The following IQSEC1 variants were observed in gnomAD, a reference collection of about 807,000 sequenced individuals.
The protein encoded by IQSEC1 is IQ motif and Sec7 domain ArfGEF 1.
In IQSEC1, 31 loss-of-function variants were observed where a neutral mutation model predicts 91.0. The observed-to-expected ratio is 0.34, with a 90% confidence interval of 0.26 to 0.46. The LOEUF (loss-of-function observed/expected upper bound fraction) is 0.46. IQSEC1 is among the 20% of genes least tolerant of loss of function. The probability of loss-of-function intolerance (pLI) is 1.00; values close to 1 mark genes in which losing one functional copy is unlikely to be tolerated. For synonymous variants in IQSEC1, 699 were observed against 662.6 expected (o/e 1.05, Z -0.84); for missense variants, 1,388 against 1,575.6 (o/e 0.88, Z 2.02).
Position 12,970,618 on chromosome 3 carries a change from T to A in IQSEC1, c.24-28753A>T, listed in dbSNP as rs1700845279. ...CCTCGTGGCCTGGTTCATCTCTCCA[T>A]CCCTTACCTCTCCTCCTGCCCACTC... On this transcript the variant is annotated intron_variant, in intron 1 of 13. Transcript: ENST00000613206. This position sits in a 1 kb window ranked among gnomAD's most constrained non-coding sequence, Gnocchi z 4.4. Among the ~76,000 whole-genome samples the A allele has an allele frequency of 6.6e-6, 1 of 152,002 alleles. No individual in the cohort carries two copies. The highest frequency in any genetic ancestry group is 1.5e-5 in the Non-Finnish European group (1 of 67,984).
intron 2 of IQSEC1, among the ~76,000 whole-genome samples, chr3:13,127,822 T>C (rs11080): frequency 0.29 from 43,371 of 152,160 alleles, 6,353 homozygotes; most frequent in South Asian, 0.47. Flanking sequence ...CTTTCTTTCA[T>C]CTGCATGTTT....
intron 1 of IQSEC1, among the ~76,000 whole-genome samples, chr3:13,027,109 G>A (rs1703650545): frequency 6.6e-6 from 1 of 152,136 alleles, no homozygotes; most frequent in Admixed American, 6.5e-5. Context: ...CAAAACCCTG[G>A]ATCCCCCTTC....
At chr3:13,122,435 G>A (rs1706441284) in intron 2 of IQSEC1, among the ~76,000 whole-genome samples, 1 of 151,376 alleles carries the variant, frequency 6.6e-6, no homozygotes, top group Non-Finnish European at 1.5e-5. Flanking sequence ...ACGCAGTTGG[G>A]TTTTATTAGG....
In IQSEC1 at chr3:12,974,299, T is replaced by C. The variant is rs146115084; in HGVS notation, c.24-32434A>G. On this transcript the variant is annotated intron_variant, in intron 1 of 13. Coordinates refer to ENST00000613206, the MANE Select transcript of IQSEC1 (RefSeq NM_001134382.3). ...AAGCCCGGATCCCCAGAGCACTCCA[T>C]GATTCTAGGTCCTCGGTGACCAATG... Among the ~76,000 whole-genome samples the C allele has an allele frequency of 1.5e-3, 226 of 152,284 alleles. 1 individual carries two copies. The highest frequency in any genetic ancestry group is 6.8e-3 in the Middle Eastern group (2 of 294).
chr3:13,000,601 G>T (rs1576143685), intron 1 of IQSEC1, among the ~76,000 whole-genome samples: 2 of 152,378 alleles, frequency 1.3e-5, no homozygotes, highest in South Asian at 4.1e-4. Flanking sequence ...ACTAGGACGA[G>T]CACAGGGCCT....
At chr3:13,052,792 A>C (rs1253184218) in intron 1 of IQSEC1, among the ~76,000 whole-genome samples, 1 of 151,876 alleles carries the variant, frequency 6.6e-6, no homozygotes, top group Non-Finnish European at 1.5e-5. Context: ...GGTCTCACAT[A>C]TTTATTACTG....
At chr3:13,153,485 T>C (rs1337472420) in intron 2 of IQSEC1, among the ~76,000 whole-genome samples, 1 of 152,146 alleles carries the variant, frequency 6.6e-6, no homozygotes, top group Non-Finnish European at 1.5e-5. Context: ...CAGAGCAAAG[T>C]GCACTCATAG....
intron 2 of IQSEC1, among the ~76,000 whole-genome samples, chr3:13,094,462 G>T (rs1156469929): frequency 6.6e-6 from 1 of 152,128 alleles, no homozygotes; most frequent in Non-Finnish European, 1.5e-5. Context: ...ACAAACCACA[G>T]AGGCTGGCGA....
chr3:13,062,141 T>C (rs1177446165), intron 1 of IQSEC1, among the ~76,000 whole-genome samples: 1 of 152,196 alleles, frequency 6.6e-6, no homozygotes, highest in South Asian at 2.1e-4. Context: ...TCCCTTTGAC[T>C]TGAGTTTCTG....
intron 1 of IQSEC1, among the ~76,000 whole-genome samples, chr3:13,269,332 C>T (rs924582888): frequency 2.0e-5 from 3 of 152,360 alleles, no homozygotes; most frequent in Non-Finnish European, 2.9e-5. Flanking sequence ...ATCCACATCG[C>T]ACTGCAGGGA....
At chr3:12,956,089 C>G (rs1699887716) in intron 1 of IQSEC1, among the ~76,000 whole-genome samples, 1 of 152,184 alleles carries the variant, frequency 6.6e-6, no homozygotes, top group Non-Finnish European at 1.5e-5. Context: ...CACTTGATAA[C>G]AGTCAGACAA....
intron 1 of IQSEC1, among the ~76,000 whole-genome samples, chr3:13,181,387 AAT>A (rs1326586721): frequency 6.6e-6 from 1 of 152,264 alleles, no homozygotes; most frequent in Non-Finnish European, 1.5e-5. Flanking sequence ...TAATTGATGG[AAT>A]AGAGAGAAAA....
intron 1 of IQSEC1, among the ~76,000 whole-genome samples, chr3:13,026,874 TTTTTGTTTG>T (rs1444050694): frequency 3.7e-4 from 19 of 51,890 alleles, no homozygotes; most frequent in African/African-American, 5.6e-4. Flanking sequence ...GTTTTTTTTT[TTTTTGTTTG>T]TTTTTTTTTT....
intron 1 of IQSEC1, among the ~76,000 whole-genome samples, chr3:13,249,403 ACCTCGTGATCTACCTG>A (rs1373968472): frequency 2.0e-5 from 3 of 151,734 alleles, no homozygotes; most frequent in Non-Finnish European, 4.4e-5. Context: ...CGATCTCCTG[ACCTCGTGATCTACCTG>A]CCTCGGCCTC....
chr3:13,197,228 G>A (rs1694149561), intron 1 of IQSEC1, among the ~76,000 whole-genome samples: 1 of 152,180 alleles, frequency 6.6e-6, no homozygotes, highest in Admixed American at 6.5e-5. Flanking sequence ...CACTTGAACG[G>A]GAAACGCTTG....
chr3:13,017,186 C>CT (rs112727297), intron 1 of IQSEC1, among the ~76,000 whole-genome samples: 52,171 of 151,810 alleles, frequency 0.34, 9,676 homozygotes, highest in African/African-American at 0.45. Context: ...TCCCTCTCCC[C>CT]GATCACTCTG....
chr3:13,008,937 C>A lies in IQSEC1; in HGVS notation c.23+64055G>T, dbSNP rs1328132430. Among the ~76,000 whole-genome samples the A allele has an allele frequency of 2.6e-5, 4 of 152,148 alleles. No homozygotes were observed. The highest frequency in any genetic ancestry group is 9.7e-5 in the African/African-American group (4 of 41,414). On this transcript the variant is annotated intron_variant, in intron 1 of 13. Coordinates refer to ENST00000613206, the MANE Select transcript of IQSEC1 (RefSeq NM_001134382.3). This position sits in a 1 kb window ranked among gnomAD's most constrained non-coding sequence, Gnocchi z 4.1. ...TTATTAAGCCATTTTCCAGATAAGGCAATGGAGGCCCAGAGAAGTGAAGTG... is the reference window on the plus strand; with the variant it reads ...TTATTAAGCCATTTTCCAGATAAGGAAATGGAGGCCCAGAGAAGTGAAGTG...
chr3:13,115,488 T>G (rs1433179831), intron 2 of IQSEC1, among the ~76,000 whole-genome samples: 2 of 152,250 alleles, frequency 1.3e-5, no homozygotes, highest in Non-Finnish European at 2.9e-5. Context: ...CTGGTCTGCA[T>G]GAGCCCCCTG....
chr3:13,092,088 C>T lies in IQSEC1; in HGVS notation c.303-44566G>A, dbSNP rs541084487. Among the ~76,000 whole-genome samples the T allele has an allele frequency of 8.9e-4, 135 of 152,126 alleles. 1 individual carries two copies. The highest frequency in any genetic ancestry group is 6.6e-4 in the Non-Finnish European group (45 of 67,988). ...TGGGGTCAAGCTACCCTGCACTGCG[C>T]GGGGTCAATTGCCCTGCACTGTGCA... is the stretch of plus-strand genomic sequence containing the variant. On this transcript the variant is annotated intron_variant, in intron 2 of 15. Transcript: ENST00000648114.
Sources: gnomAD v4.1 joint callset for allele counts (sites outside exome capture counted in the v4.1 genomes callset) on GRCh38, gnomAD v4.1.1 for gene constraint, Gnocchi (gnomAD v3.1) non-coding constraint, MANE v1.5 for transcripts, NCBI Gene and HGNC (gene_info 2026-07-23, HGNC 2026-07-21) for gene names.